CDK14: variants seen among roughly 807,000 people sequenced by gnomAD.
The protein encoded by CDK14 is cyclin dependent kinase 14, also known as cyclin-dependent kinase 14.
Under a neutral mutation model 60.7 loss-of-function variants are expected in CDK14, and 34 were observed. The ratio of observed to expected loss-of-function variants is 0.56; its 90% CI spans 0.43 to 0.75. CDK14 has a LOEUF of 0.75. CDK14 is among the 30% of genes least tolerant of loss of function. The probability of loss-of-function intolerance (pLI) is 0.00; values close to 1 mark genes in which losing one functional copy is unlikely to be tolerated. For missense variants in CDK14, 482 were observed against 564.1 expected, an observed-to-expected ratio of 0.85 and a Z score of 1.47; for synonymous variants, 197 against 203.7, an observed-to-expected ratio of 0.97 and a Z score of 0.28.
At chr7:90,989,729 C>T (rs1795478449) in intron 10 of CDK14, among the ~76,000 whole-genome samples, 1 of 152,320 alleles carries the variant, frequency 6.6e-6, no homozygotes, top group Admixed American at 6.5e-5. Context: ...TACCCGCCCT[C>T]ACCCACTACC....
At chr7:91,094,230 C>T (rs1435712183) in intron 12 of CDK14, among the ~76,000 whole-genome samples, 1 of 152,086 alleles carries the variant, frequency 6.6e-6, no homozygotes, top group African/African-American at 2.4e-5. Context: ...CATATGAGTT[C>T]ACTCATGATC....
intron 2 of CDK14, among the ~76,000 whole-genome samples, chr7:90,674,939 T>C (rs1801167766): frequency 6.6e-6 from 1 of 152,210 alleles, no homozygotes; most frequent in South Asian, 2.1e-4. Flanking sequence ...TTTTGACATA[T>C]GGTGTAGAAT....
intron 14 of CDK14, among the ~76,000 whole-genome samples, chr7:91,156,370 T>A (rs1176327288): frequency 6.6e-6 from 1 of 152,222 alleles, no homozygotes; most frequent in Non-Finnish European, 1.5e-5. Context: ...TTCTATTACT[T>A]CTTGGTTGCC....
At chr7:90,792,592 C>T (rs1805877435) in intron 5 of CDK14, among the ~76,000 whole-genome samples, 1 of 152,166 alleles carries the variant, frequency 6.6e-6, no homozygotes, top group Non-Finnish European at 1.5e-5. Context: ...TAGCCATGAA[C>T]AAGCCCTGTT....
intron 9 of CDK14, among the ~76,000 whole-genome samples, chr7:90,967,533 A>ACT (rs1794788739): frequency 6.6e-6 from 1 of 152,168 alleles, no homozygotes; most frequent in Non-Finnish European, 1.5e-5. Flanking sequence ...CTGCCATCTT[A>ACT]GTGTGGTGGT....
intron 9 of CDK14, among the ~76,000 whole-genome samples, chr7:90,974,173 A>T (rs964688971): frequency 2.6e-5 from 4 of 152,184 alleles, no homozygotes. Context: ...TTCTACGAGA[A>T]GGAAAATATG....
At chr7:90,860,054 T>C (rs79501457) in intron 5 of CDK14, among the ~76,000 whole-genome samples, 1,650 of 152,278 alleles carry the variant, frequency 0.011, 24 homozygotes, top group African/African-American at 0.037. Flanking sequence ...TCTACTTGAA[T>C]TGTCATTGCT....
chr7:90,955,918 C>A, intron 9 of CDK14, 101 bp downstream of exon 9: 3 of 1,399,878 alleles, frequency 2.1e-6, no homozygotes, highest in Non-Finnish European at 2.9e-6. Context: ...ATTAATGGTG[C>A]AGGAGTGTTT....
chr7:90,783,215 T>A (rs1805419982), intron 4 of CDK14, among the ~76,000 whole-genome samples: 1 of 152,182 alleles, frequency 6.6e-6, no homozygotes, highest in Non-Finnish European at 1.5e-5. Context: ...TAATAATTGT[T>A]GATTGAATAT....
chr7:90,909,190 A>T (rs1433402899), intron 7 of CDK14, among the ~76,000 whole-genome samples: 1 of 152,184 alleles, frequency 6.6e-6, no homozygotes, highest in African/African-American at 2.4e-5. Context: ...TGTATAGTTC[A>T]GAAAAGCACT....
intron 2 of CDK14, among the ~76,000 whole-genome samples, chr7:90,637,671 T>C (rs1319190346): frequency 6.6e-6 from 1 of 150,868 alleles, no homozygotes; most frequent in Non-Finnish European, 1.5e-5. Flanking sequence ...CAGAGCTGAG[T>C]TCAATTCCTG....
chr7:90,942,567 G>A (rs73407483), intron 8 of CDK14, among the ~76,000 whole-genome samples: 3,359 of 152,216 alleles, frequency 0.022, 118 homozygotes, highest in African/African-American at 0.076. Flanking sequence ...TTTCTTTGGA[G>A]GATGAATAGC....
At chr7:90,891,862 A>C (rs895844687) in intron 6 of CDK14, among the ~76,000 whole-genome samples, 2 of 152,254 alleles carry the variant, frequency 1.3e-5, no homozygotes, top group African/African-American at 2.4e-5. Context: ...TTTTGCTTGA[A>C]GGGAAAAGTC....
chr7:90,794,069 C>T (rs575743236), intron 5 of CDK14, among the ~76,000 whole-genome samples: 2 of 152,096 alleles, frequency 1.3e-5, no homozygotes, highest in African/African-American at 4.8e-5. Flanking sequence ...AGCTGGGTGT[C>T]CGGGGGAGAC....
chr7:90,925,468 T>G (rs1457084494), intron 8 of CDK14, among the ~76,000 whole-genome samples: 1 of 152,196 alleles, frequency 6.6e-6, no homozygotes, highest in East Asian at 1.9e-4. Context: ...GATCAAATGT[T>G]TAGTATGGTT....
Position 90,600,355 on chromosome 7 carries a change from G to A in CDK14, c.91+3637G>A, listed in dbSNP as rs577446264. On this transcript the variant is annotated intron_variant, in intron 1 of 14. Transcript: ENST00000380050. ...TTTATTTTTGAATGTTAGCCTAGAA[G>A]GAGAAAGGCTTTATGTAATATCCGG... Among the ~76,000 whole-genome samples, 3 of 152,242 alleles carry A rather than the reference G, an allele frequency of 2.0e-5. No individual in the cohort carries two copies. In the South Asian group the frequency reaches 6.2e-4, roughly 32 times the overall value.
intron 3 of CDK14, among the ~76,000 whole-genome samples, 177 bp from the exon 4 acceptor site, chr7:90,747,503 AT>A (rs528399253): frequency 5.9e-5 from 9 of 151,498 alleles, no homozygotes; most frequent in South Asian, 2.1e-4. Flanking sequence ...GTTTATTTGC[AT>A]TTTTTTTTAG....
At chr7:90,779,707 C>A (rs1166903534) in intron 4 of CDK14, among the ~76,000 whole-genome samples, 2 of 152,108 alleles carry the variant, frequency 1.3e-5, no homozygotes, top group African/African-American at 2.4e-5. Context: ...TCATTCCCTG[C>A]AATTATTTTG....
At chr7:90,823,632 C>A (rs1789624715) in intron 5 of CDK14, among the ~76,000 whole-genome samples, 2 of 152,180 alleles carry the variant, frequency 1.3e-5, no homozygotes, top group African/African-American at 2.4e-5. Context: ...TATTTCGAAT[C>A]AACCAAACCT....
Sources: gnomAD v4.1 joint callset for allele counts (sites outside exome capture counted in the v4.1 genomes callset) on GRCh38, gnomAD v4.1.1 for gene constraint, MANE v1.5 for transcripts, NCBI Gene and HGNC (gene_info 2026-07-23, HGNC 2026-07-21) for gene names.